Variants in TP53I11 observed in about 807,000 individuals in gnomAD.
The protein encoded by TP53I11 is tumor protein p53 inducible protein 11, also known as tumor protein p53-inducible protein 11.
In TP53I11, 9 loss-of-function variants were observed where a neutral mutation model predicts 23.3. The observed-to-expected ratio is 0.39, with a 90% CI of 0.23 to 0.67. TP53I11 has a LOEUF of 0.67. Ranked by LOEUF, TP53I11 falls within the 30% of genes least tolerant of loss-of-function variation. TP53I11 has a pLI of 0.48. For synonymous variants in TP53I11, 100 were observed against 106.1 expected (o/e 0.94, Z 0.35); for missense variants, 170 against 255.2 (o/e 0.67, Z 2.27).
At chr11:44,941,366 A>G (rs1861735116) in intron 1 of TP53I11, among the ~76,000 whole-genome samples, 2 of 152,172 alleles carry the variant, frequency 1.3e-5, no homozygotes, top group South Asian at 4.1e-4. Flanking sequence ...GGAGAAACAA[A>G]ATAATGGACA....
Position 44,936,222 on chromosome 11 carries a change from T to G in TP53I11, c.335-560A>C, listed in dbSNP as rs1590739253. The G allele has an allele frequency of 9.7e-7, 1 of 1,029,716 alleles. No homozygotes were observed. 63.8% of individuals were successfully genotyped at this position (1,029,716 alleles called of 1,614,324 possible). A position where few individuals can be genotyped will look rare whatever the true frequency, so the allele number is the denominator to read the frequency against. ...TGCTGGTACCAGACATGCCACTGGG[T>G]GTGCATTTATTTTATTCCAGCAACC... On this transcript the variant is annotated intron_variant, in intron 5 of 6. Transcript: ENST00000525680. The surrounding 1 kb of genome is among the most constrained non-coding windows in gnomAD (Gnocchi z 4.4).
At chr11:44,938,495 G>C in intron 1 of TP53I11, 129 bp from the exon 2 acceptor site, 1 of 1,085,938 alleles carries the variant, frequency 9.2e-7, no homozygotes. Context: ...GCCCAGGGCA[G>C]TAGGGGGAGT....
Position 44,937,319 on chromosome 11 carries a change from G to T in TP53I11, c.222C>A (p.Ser74=), listed in dbSNP as rs544563868. Residue 74 remains serine (S), a synonymous_variant, in exon 4 of 7, where the codon TCC becomes TCA. Coordinates refer to ENST00000525680, the MANE Select transcript of TP53I11 (RefSeq NM_006034.5). ...GGGGGCTCACCATGATGGCAATGCC[G>T]GAGAAGAGCACAGCAGAGACGAACT... ...VWQFVSAVLF[S]GIAIMALAFP... is the part of the protein sequence containing the mutation. 3 of 1,502,626 alleles carry T rather than the reference G, an allele frequency of 2.0e-6. No individual in the cohort carries two copies. The highest frequency in any genetic ancestry group is 1.4e-5 in the African/African-American group (1 of 71,090). 93.1% of individuals were successfully genotyped at this position (1,502,626 alleles called of 1,614,324 possible). A position where few individuals can be genotyped will look rare whatever the true frequency, so the allele number is the denominator to read the frequency against.
At chr11:44,949,980 C>A (rs1484144174) in intron 1 of TP53I11, 1 of 152,348 alleles carries the variant, frequency 6.6e-6, no homozygotes, top group African/African-American at 2.4e-5. Context: ...CACCCACTTT[C>A]TGAGACCCAG....
chr11:44,937,387 C>G, intron 3 of TP53I11, 35 bp from the exon 4 acceptor site: 1 of 1,476,058 alleles, frequency 6.8e-7, no homozygotes, highest in South Asian at 1.4e-5. Flanking sequence ...CAGCCCTGCC[C>G]CAGGGGACCC....
chr11:44,934,396 T>G lies in TP53I11; in HGVS notation c.*488A>C. The stretch of plus-strand genomic sequence containing the variant: ...AGAGGGCCAGATTGAGGAGGAGGGG[T>G]ACAGGGTTTTCCAGGATTAGAAGGA... On this transcript the variant is annotated 3_prime_UTR_variant, in exon 7 of 7. Transcript: ENST00000525680. 3 of 175,850 alleles carry G rather than the reference T, an allele frequency of 1.7e-5. No homozygotes were observed. The highest frequency in any genetic ancestry group is 1.3e-4 in the South Asian group (1 of 7,836). The allele number at this position is 175,850 out of a possible 1,614,324, so 10.9% of individuals were successfully genotyped here. A position where few individuals can be genotyped will look rare whatever the true frequency, so the allele number is the denominator to read the frequency against.
rs1225522153 is a variant in TP53I11, at chr11:44,936,491, A to C, written c.334+312T>G. 1.6e-6 allele frequency: 2 copies of C among 1,240,106 alleles called. No individual in the cohort carries two copies. Among genetic ancestry groups the C allele is most frequent in the Non-Finnish European group, 2.0e-6 (2 of 992,806 alleles). 76.8% of individuals were successfully genotyped at this position (1,240,106 alleles called of 1,614,324 possible). On this transcript the variant is annotated intron_variant, in intron 5 of 6. Transcript: ENST00000525680. The surrounding 1 kb of genome is among the most constrained non-coding windows in gnomAD (Gnocchi z 4.4). The stretch of plus-strand genomic sequence containing the variant: ...TGATCTGCCTCTCCTCTAGGCTGTG[A>C]ATTCCTAGAGGCTGGGCCTGGGCTT...
At position 44,936,321 on chromosome 11, in the gene TP53I11, A is replaced by C; in HGVS notation, c.334+482T>G. On this transcript the variant is annotated intron_variant, in intron 5 of 6. Transcript: ENST00000525680. This position sits in a 1 kb window ranked among gnomAD's most constrained non-coding sequence, Gnocchi z 4.4. ...TAGAATATTTCGTAGAAATAGAGGC[A>C]TATTACCTATGCTGAGCTTTAAAAA... The C allele has an allele frequency of 8.3e-7, 1 of 1,199,810 alleles. No homozygotes were observed. The allele number at this position is 1,199,810 out of a possible 1,614,324, so 74.3% of individuals were successfully genotyped here. A position where few individuals can be genotyped will look rare whatever the true frequency, so the allele number is the denominator to read the frequency against.
At chr11:44,939,917 G>A (rs563832050) in intron 1 of TP53I11, among the ~76,000 whole-genome samples, 129 of 152,314 alleles carry the variant, frequency 8.5e-4, no homozygotes, top group Admixed American at 2.4e-3. Context: ...TAACTGTGAC[G>A]GCAGTCCCAC....
At chr11:44,935,160 C>T in intron 6 of TP53I11, 143 bp from the exon 7 acceptor site, 2 of 1,160,646 alleles carry the variant, frequency 1.7e-6, no homozygotes, top group East Asian at 2.5e-5. Context: ...AGCACAGGAC[C>T]TGCCCCCTGC....
intron 6 of TP53I11, among the ~76,000 whole-genome samples, 196 bp from the exon 7 acceptor site, chr11:44,935,213 G>GAC (rs1860951473): frequency 6.6e-6 from 1 of 152,198 alleles, no homozygotes; most frequent in Non-Finnish European, 1.5e-5. Flanking sequence ...TGTCTCCCAT[G>GAC]TGGCAGGAAC....
intron 1 of TP53I11, among the ~76,000 whole-genome samples, chr11:44,944,703 T>G (rs899276413): frequency 5.3e-5 from 8 of 152,186 alleles, no homozygotes; most frequent in African/African-American, 1.9e-4. Flanking sequence ...AGCCTCTATG[T>G]CCTCATCTGT....
At chr11:44,939,357 G>A (rs555444255) in intron 1 of TP53I11, 1 of 152,346 alleles carries the variant, frequency 6.6e-6, no homozygotes, top group South Asian at 2.1e-4. Flanking sequence ...GCCAACCAAG[G>A]TGAATAACGG....
chr11:44,942,023 A>ACGC (rs1861817149), intron 1 of TP53I11, among the ~76,000 whole-genome samples: 2 of 119,528 alleles, frequency 1.7e-5, no homozygotes, highest in African/African-American at 6.5e-5. Flanking sequence ...CGCCACACAC[A>ACGC]CACCACACAC....
chr11:44,935,947 G>T (rs904226484), intron 5 of TP53I11: 2 of 509,068 alleles, frequency 3.9e-6, no homozygotes, highest in African/African-American at 3.9e-5. Flanking sequence ...CTTTATAAAG[G>T]GGGAGGACTG....
At chr11:44,943,811 C>T (rs1164776442) in intron 1 of TP53I11, among the ~76,000 whole-genome samples, 1 of 152,190 alleles carries the variant, frequency 6.6e-6, no homozygotes, top group African/African-American at 2.4e-5. Context: ...GTACTGTGCT[C>T]CTCCGTGTAT....
chr11:44,937,012 G>A (rs1245692645), intron 4 of TP53I11, 113 bp from the exon 5 acceptor site: 7 of 842,256 alleles, frequency 8.3e-6, no homozygotes, highest in Admixed American at 7.9e-5. Context: ...CAGCATCCTT[G>A]GGGGCAGTCC....
rs1860888569 is a variant in TP53I11, at chr11:44,934,762, C to T, written c.*122G>A. On this transcript the variant is annotated 3_prime_UTR_variant, in exon 7 of 7. Transcript: ENST00000525680. ...GAAAGGAAGGCCCCCCACCCCCTGC[C>T]TCCCTGGGGCAGGACTGGGGCAGGG... 3.6e-6 allele frequency: 5 copies of T among 1,397,992 alleles called. No individual in the cohort carries two copies. The highest frequency in any genetic ancestry group is 5.0e-4 in the Middle Eastern group (2 of 4,032). The allele number at this position is 1,397,992 out of a possible 1,614,324, so 86.6% of individuals were successfully genotyped here. A position where few individuals can be genotyped will look rare whatever the true frequency, so the allele number is the denominator to read the frequency against.
chr11:44,942,048 C>CATACG (rs1565102619), intron 1 of TP53I11, among the ~76,000 whole-genome samples: 6 of 141,748 alleles, frequency 4.2e-5, no homozygotes, highest in Admixed American at 6.8e-5. Flanking sequence ...CACATACACA[C>CATACG]CACACACACC....
Sources: allele counts gnomAD v4.1 joint callset (sites outside exome capture counted in the v4.1 genomes callset), GRCh38; gene constraint gnomAD v4.1.1; non-coding constraint Gnocchi (gnomAD v3.1); transcripts MANE v1.5; gene names NCBI Gene and HGNC (gene_info 2026-07-23, HGNC 2026-07-21).